Variants in RBM19 observed in about 807,000 individuals in gnomAD.
RBM19 encodes probable RNA-binding protein 19.
A neutral mutation model predicts 116.8 loss-of-function variants in RBM19; 94 were observed. That is an observed-to-expected ratio of 0.80 (90% CI 0.68 to 0.95). The LOEUF (loss-of-function observed/expected upper bound fraction) is 0.95. Ranked by LOEUF, RBM19 falls within the 40% of genes least tolerant of loss-of-function variation. The pLI, the probability that RBM19 is intolerant of heterozygous loss-of-function variation, is 0.00. For synonymous variants in RBM19, 475 were observed against 494.1 expected (o/e 0.96, Z 0.51); for missense variants, 1,161 against 1,220.7 (o/e 0.95, Z 0.73).
intron 21 of RBM19, among the ~76,000 whole-genome samples, chr12:113,887,335 T>C (rs1312949805): frequency 6.6e-6 from 1 of 151,910 alleles, no homozygotes; most frequent in Non-Finnish European, 1.5e-5. Flanking sequence ...ACAGGGAGTG[T>C]TTTAAAAAAT....
chr12:113,920,059 G>T (rs952399016), intron 19 of RBM19, among the ~76,000 whole-genome samples: 1 of 152,104 alleles, frequency 6.6e-6, no homozygotes, highest in African/African-American at 2.4e-5. Context: ...CTTTTCAAAC[G>T]TACTAAGCTC....
rs1491206356 is a variant in RBM19 at position 113,878,671 on chromosome 12, A to ACACACACC, written c.2559-19776_2559-19775insGGTGTGTG. On this transcript the variant is annotated intron_variant, in intron 21 of 23. Coordinates refer to ENST00000261741, the MANE Select transcript of RBM19 (RefSeq NM_016196.4). Reference sequence around the variant, plus strand: ...CACACACACACACACACACACACACACCCTCACTCAGCAAACGTCCCATAG... The same window carrying ACACACACC: ...CACACACACACACACACACACACACACACACACCCCCTCACTCAGCAAACGTCCCATAG... 5.0e-3 allele frequency among the ~76,000 whole-genome samples: 708 copies of ACACACACC among 141,980 alleles called. 8 individuals carry two copies. Among genetic ancestry groups the ACACACACC allele is most frequent in the African/African-American group, 0.014 (495 of 36,228 alleles). The allele number at this position is 141,980 out of a possible 152,430, so 93.1% of individuals were successfully genotyped here. A position where few individuals can be genotyped will look rare whatever the true frequency, so the allele number is the denominator to read the frequency against.
At chr12:113,828,517 C>CG (rs1385709638) in intron 23 of RBM19, among the ~76,000 whole-genome samples, 3 of 133,182 alleles carry the variant, frequency 2.3e-5, no homozygotes, top group Non-Finnish European at 4.8e-5. Context: ...GGGCAGGGGG[C>CG]GGGGGCACAG....
chr12:113,900,628 T>C (rs1207147221), intron 21 of RBM19, among the ~76,000 whole-genome samples: 1 of 152,122 alleles, frequency 6.6e-6, no homozygotes, highest in Non-Finnish European at 1.5e-5. Flanking sequence ...GGCTAGTGTT[T>C]TTTTTCCACG....
At chr12:113,855,191 G>C (rs1404364757) in intron 22 of RBM19, among the ~76,000 whole-genome samples, 1 of 152,214 alleles carries the variant, frequency 6.6e-6, no homozygotes. Flanking sequence ...GGCCACAGCA[G>C]GGACTGTGGT....
At chr12:113,904,665 G>A (rs997686421) in intron 21 of RBM19, among the ~76,000 whole-genome samples, 5 of 152,172 alleles carry the variant, frequency 3.3e-5, no homozygotes, top group Admixed American at 2.0e-4. Flanking sequence ...CAACAGGAAT[G>A]CTCACAGAAG....
rs61930744 is a variant in RBM19 at position 113,947,887 on chromosome 12, G to A, written c.1277-423C>T. 4.7e-3 allele frequency among the ~76,000 whole-genome samples: 714 copies of A among 152,268 alleles called. 1 individual carries two copies. The highest frequency in any genetic ancestry group is 7.6e-3 in the Admixed American group (116 of 15,302). On this transcript the variant is annotated intron_variant, in intron 10 of 23. Transcript: ENST00000261741. ...CAACTCTGAATGCCAGGGTGTGACCGCGTCCCCTCTCTGGGTCTTTCCTTC... is the reference window on the plus strand; with the variant it reads ...CAACTCTGAATGCCAGGGTGTGACCACGTCCCCTCTCTGGGTCTTTCCTTC...
intron 20 of RBM19, 113 bp downstream of exon 20, chr12:113,918,279 A>T: frequency 9.7e-7 from 1 of 1,025,674 alleles, no homozygotes; most frequent in Non-Finnish European, 1.5e-6. Context: ...TAAATGGTAA[A>T]GGGATAGGTG....
chr12:113,870,505 A>G (rs1879135500), intron 21 of RBM19, among the ~76,000 whole-genome samples: 1 of 152,082 alleles, frequency 6.6e-6, no homozygotes, highest in African/African-American at 2.4e-5. Flanking sequence ...TGACTCCTCA[A>G]CCTAAGGCAG....
intron 8 of RBM19, among the ~76,000 whole-genome samples, chr12:113,951,223 C>T (rs1364548181): frequency 6.6e-6 from 1 of 152,264 alleles, no homozygotes; most frequent in South Asian, 2.1e-4. Flanking sequence ...TGCCTCCTCC[C>T]CAGCTCTCCT....
In RBM19 at chr12:113,959,399, C is replaced by T. The variant is rs1872284072; in HGVS notation, c.384G>A (p.Lys128=). 1.3e-6 allele frequency: 2 copies of T among 1,599,430 alleles called. No individual in the cohort carries two copies. The highest frequency in any genetic ancestry group is 4.5e-5 in the East Asian group (2 of 44,442). Residue 128 remains lysine (K), a synonymous_variant, in exon 5 of 24, where the codon AAG becomes AAA. Transcript: ENST00000261741. ...GAAACTCCTGGAACTCTGTATCCTC[C>T]TTCAGCTGGTGGCACCAGAACCCGG... ...KKVAGQLEKL[K]EDTEFQEFLS...
intron 2 of RBM19, among the ~76,000 whole-genome samples, chr12:113,961,262 G>A (rs1242485174): frequency 6.6e-6 from 1 of 152,088 alleles, no homozygotes; most frequent in Non-Finnish European, 1.5e-5. Context: ...CTGGCTTCAA[G>A]TGATCCTCCC....
At chr12:113,856,792 C>T (rs557503115) in intron 22 of RBM19, among the ~76,000 whole-genome samples, 29 of 152,306 alleles carry the variant, frequency 1.9e-4, no homozygotes, top group African/African-American at 7.0e-4. Flanking sequence ...CAGCCAATAG[C>T]CCGTATGTAG....
chr12:113,824,729 G>A (rs927752712), intron 23 of RBM19, among the ~76,000 whole-genome samples: 3 of 151,994 alleles, frequency 2.0e-5, no homozygotes, highest in African/African-American at 7.3e-5. Flanking sequence ...CTGGGTGAGC[G>A]ATTTCACCTC....
chr12:113,824,323 G>C (rs934058032), intron 23 of RBM19, among the ~76,000 whole-genome samples: 1 of 152,162 alleles, frequency 6.6e-6, no homozygotes, highest in African/African-American at 2.4e-5. Flanking sequence ...TGAAAGTCTC[G>C]GGTTCTAGGC....
At chr12:113,862,451 A>G (rs1878475880) in intron 21 of RBM19, among the ~76,000 whole-genome samples, 1 of 152,074 alleles carries the variant, frequency 6.6e-6, no homozygotes, top group South Asian at 2.1e-4. Context: ...GAGAATTAAA[A>G]AGAAAAAAAA....
At chr12:113,952,417 C>A in intron 8 of RBM19, 95 bp downstream of exon 8, 2 of 1,137,402 alleles carry the variant, frequency 1.8e-6, no homozygotes, top group South Asian at 1.4e-5. Context: ...GGAAGAAAAA[C>A]GGGTGCCCTT....
intron 18 of RBM19, among the ~76,000 whole-genome samples, chr12:113,924,179 T>C (rs951247301): frequency 5.1e-4 from 78 of 152,340 alleles, no homozygotes; most frequent in African/African-American, 1.8e-3. Context: ...TGCCTGTCCA[T>C]GTACCCACTG....
intron 21 of RBM19, among the ~76,000 whole-genome samples, chr12:113,893,907 A>G (rs1456956690): frequency 6.6e-6 from 1 of 152,182 alleles, no homozygotes; most frequent in African/African-American, 2.4e-5. Context: ...GTAGATGGAG[A>G]GTATCTTTAT....
Sources: allele counts gnomAD v4.1 joint callset (sites outside exome capture counted in the v4.1 genomes callset), GRCh38; gene constraint gnomAD v4.1.1; transcripts MANE v1.5; gene names NCBI Gene and HGNC (gene_info 2026-07-23, HGNC 2026-07-21).